CARD14: variants seen among roughly 807,000 people sequenced by gnomAD.
CARD14 encodes the protein caspase recruitment domain family member 14.
A neutral mutation model predicts 111.5 loss-of-function variants in CARD14; 107 were observed. The ratio of observed to expected loss-of-function variants is 0.96; its 90% CI spans 0.82 to 1.13. The LOEUF (loss-of-function observed/expected upper bound fraction) is 1.13, where lower values mean the gene tolerates loss of function less well. CARD14 is among the 50% of genes most tolerant of loss of function. The probability of loss-of-function intolerance (pLI) is 0.00; values close to 1 mark genes in which losing one functional copy is unlikely to be tolerated. For missense variants in CARD14, 1,322 were observed against 1,362.3 expected (o/e 0.97, Z 0.47); for synonymous variants, 617 against 579.6 (o/e 1.06, Z -0.93).
chr17:80,207,443 C>T (rs62074417), intron 23 of CARD14, among the ~76,000 whole-genome samples: 7 of 152,052 alleles, frequency 4.6e-5, no homozygotes, highest in Admixed American at 2.0e-4. Flanking sequence ...CCCAGCTACT[C>T]GGGAGGCTGA....
Position 80,203,832 on chromosome 17 carries a change from C to T in CARD14, c.2230C>T (p.Gln744Ter). ...TGCTGGTCTCTGCAGGGCTCAGCAG[C>T]AGCTCATAGCCCTCATCCAGGACAT... ...TIPNYSRAQQQLIALIQDMTQ... is the reference protein window; with the variant it reads ...TIPNYSRAQQ Residue 744 changes from glutamine to a stop codon, truncating the protein, a stop_gained, in exon 19 of 24, where the codon CAG becomes TAG. Coordinates refer to ENST00000648509, the MANE Select transcript of CARD14 (RefSeq NM_001366385.1). LOFTEE classifies it high-confidence loss of function. This position sits in a 1 kb window ranked among gnomAD's most constrained non-coding sequence, Gnocchi z 4.6. 6.3e-7 allele frequency: 1 copy of T among 1,582,138 alleles called. No homozygotes were observed. Among genetic ancestry groups the T allele is most frequent in the Non-Finnish European group, 8.6e-7 (1 of 1,164,386 alleles).
intron 3 of CARD14, among the ~76,000 whole-genome samples, chr17:80,178,894 C>A (rs1305374877): frequency 6.6e-6 from 1 of 152,122 alleles, no homozygotes; most frequent in Non-Finnish European, 1.5e-5. Context: ...TACAGGCACC[C>A]GTCACCATGA....
chr17:80,194,454 T>A (rs1311810261), intron 12 of CARD14, among the ~76,000 whole-genome samples: 1 of 152,234 alleles, frequency 6.6e-6, no homozygotes, highest in African/African-American at 2.4e-5. Context: ...GTCACATTTG[T>A]CAGTGTGCAC....
intron 16 of CARD14, among the ~76,000 whole-genome samples, chr17:80,199,305 C>T (rs112168618): frequency 3.3e-5 from 5 of 151,072 alleles, no homozygotes; most frequent in African/African-American, 4.9e-5. Context: ...CTGGCCAACA[C>T]GGCGAAACCC....
At position 80,181,387 on chromosome 17, in the gene CARD14, G is replaced by A. The variant is rs543517058; in HGVS notation, c.-20-32G>A. The A allele has an allele frequency of 2.0e-6, 3 of 1,517,098 alleles. No individual in the cohort carries two copies. In the African/African-American group the frequency reaches 4.1e-5, roughly 21 times the overall value. The allele number at this position is 1,517,098 out of a possible 1,614,324, so 94.0% of individuals were successfully genotyped here. ...GGCTATCCTGGGGTCCTGCTTACCT[G>A]ACAACTCCACCCCCATGGCCACCCC... On this transcript the variant is annotated intron_variant, in intron 4 of 23. Transcript: ENST00000648509.
Position 80,192,496 on chromosome 17 carries a change from T to C in CARD14, c.1240-7T>C. 1 of 1,612,052 alleles carries C rather than the reference T, an allele frequency of 6.2e-7. No individual in the cohort carries two copies. Among genetic ancestry groups the C allele is most frequent in the Non-Finnish European group, 8.5e-7 (1 of 1,178,636 alleles). ...ATTAACCAGCCTGTCTGGCCTGTCT[T>C]TGGCAGCTCAAGCAGGAAGCCAGGA... On this transcript the variant is annotated splice_region_variant and splice_polypyrimidine_tract_variant and intron_variant, in intron 11 of 23. Transcript: ENST00000648509.
rs147466598 is a variant in CARD14 at position 80,191,432 on chromosome 17, G to A, written c.1199G>A (p.Arg400His). Residue 400 changes from arginine to histidine, a missense_variant, in exon 11 of 24, where the codon CGC becomes CAC. Transcript: ENST00000648509. Reference sequence around the variant, plus strand: ...CTGACGGACCAGGTCTGCGAGCTGCGCACACAGCTTCGCCAGCTGCAGGCA... The same window carrying A: ...CTGACGGACCAGGTCTGCGAGCTGCACACACAGCTTCGCCAGCTGCAGGCA... ...FELTDQVCELRTQLRQLQAEP... is the reference protein window; with the variant it reads ...FELTDQVCELHTQLRQLQAEP... 3.0e-4 allele frequency: 486 copies of A among 1,613,436 alleles called. No homozygotes were observed. The highest frequency in any genetic ancestry group is 4.0e-4 in the Non-Finnish European group (476 of 1,179,882).
chr17:80,205,961 C>T (rs934991419), intron 22 of CARD14: 10 of 231,176 alleles, frequency 4.3e-5, no homozygotes, highest in African/African-American at 1.8e-4. Flanking sequence ...AAGGCGCAAA[C>T]GCGTGAAAAG....
At chr17:80,183,009 G>A (rs1237590173) in intron 6 of CARD14, among the ~76,000 whole-genome samples, 1 of 152,188 alleles carries the variant, frequency 6.6e-6, no homozygotes, top group African/African-American at 2.4e-5. Context: ...TGAAGGGTCG[G>A]TCCTTAGTTA....
chr17:80,176,909 T>G (rs1398721992), intron 2 of CARD14, among the ~76,000 whole-genome samples: 1 of 152,178 alleles, frequency 6.6e-6, no homozygotes, highest in Non-Finnish European at 1.5e-5. Flanking sequence ...AGCGCATCCC[T>G]GGAGATGGAC....
At position 80,208,143 on chromosome 17, in the gene CARD14, G is replaced by A; in HGVS notation, c.2813G>A (p.Gly938Asp). 1.3e-6 allele frequency: 2 copies of A among 1,541,848 alleles called. No homozygotes were observed. The highest frequency in any genetic ancestry group is 8.8e-7 in the Non-Finnish European group (1 of 1,141,968). ...NEKMAKKLKK[G>D]LQRLGTSEEQ... is the part of the protein sequence containing the mutation. The stretch of plus-strand genomic sequence containing the variant: ...CCCAACTCTGGCCTGTGCAGGAAGG[G>A]CCTACAGCGGTTGGGCACCTCAGAG... Residue 938 changes from glycine (G) to aspartate (D), a missense_variant, in exon 24 of 24, where the codon GGC becomes GAC. Transcript: ENST00000648509.
chr17:80,191,189 T>G, intron 10 of CARD14, 134 bp from the exon 11 acceptor site: 1 of 1,137,376 alleles, frequency 8.8e-7, no homozygotes, highest in Non-Finnish European at 1.3e-6. Context: ...AAATGAATCT[T>G]AAGTTTGCAC....
rs1445620840 is a variant in CARD14 at position 80,204,239 on chromosome 17, G to A, written c.2296G>A (p.Gly766Arg). 1 of 1,590,180 alleles carries A rather than the reference G, an allele frequency of 6.3e-7. No homozygotes were observed. Among genetic ancestry groups the A allele is most frequent in the South Asian group, 1.1e-5 (1 of 89,642 alleles). Residue 766 changes from glycine (G) to arginine (R), a missense_variant, in exon 20 of 24, where the codon GGA becomes AGA. By Grantham distance (125) the Gly-to-Arg change is moderately radical (BLOSUM62 -2). Coordinates refer to ENST00000648509, the MANE Select transcript of CARD14 (RefSeq NM_001366385.1). Reference protein sequence around the residue: ...CTVTRKPSSGGPQKLVRIVSM... With the variant: ...CTVTRKPSSGRPQKLVRIVSM... ...GTCCCTCCTTTAGCCATCTTCTGGG[G>A]GACCACAGAAGCTGGTCCGCATCGT...
chr17:80,206,870 C>T, intron 22 of CARD14, 100 bp from the exon 23 acceptor site: 3 of 705,900 alleles, frequency 4.2e-6, no homozygotes, highest in Non-Finnish European at 2.3e-6. Context: ...CTGCCCTGCC[C>T]TCAGCCTGTC....
At chr17:80,205,393 A>G in intron 21 of CARD14, 138 bp from the exon 22 acceptor site, 2 of 1,255,988 alleles carry the variant, frequency 1.6e-6, no homozygotes, top group South Asian at 2.9e-5. Flanking sequence ...GTGCAGGGTC[A>G]GGTTTGTAAA....
intron 9 of CARD14, among the ~76,000 whole-genome samples, chr17:80,190,119 C>T (rs1314104832): frequency 2.0e-5 from 3 of 151,992 alleles, no homozygotes; most frequent in South Asian, 2.1e-4. Flanking sequence ...GCCCAGGCCC[C>T]GGGGAGAGCC....
At position 80,198,666 on chromosome 17, in the gene CARD14, A is replaced by C. The variant is rs767004597; in HGVS notation, c.1851+75A>C. On this transcript the variant is annotated intron_variant, in intron 16 of 23. Coordinates refer to ENST00000648509, the MANE Select transcript of CARD14 (RefSeq NM_001366385.1). This position sits in a 1 kb window ranked among gnomAD's most constrained non-coding sequence, Gnocchi z 7.5. ...TGGCAGCGGGTGGGGTGACCCAGGC[A>C]GACTTCACCTCCCCCAGACGATGCA... is the stretch of plus-strand genomic sequence containing the variant. 2.5e-6 allele frequency: 4 copies of C among 1,607,814 alleles called. No individual in the cohort carries two copies. The highest frequency in any genetic ancestry group is 3.3e-5 in the Admixed American group (2 of 59,962).
In CARD14 at chr17:80,201,859, T is replaced by C; in HGVS notation, c.1967T>C (p.Val656Ala). Residue 656 changes from valine to alanine, a missense_variant, in exon 17 of 24, where the codon GTC becomes GCC. Val to Ala is a moderately conservative substitution (Grantham distance 64). Coordinates refer to ENST00000648509, the MANE Select transcript of CARD14 (RefSeq NM_001366385.1). This position sits in a 1 kb window ranked among gnomAD's most constrained non-coding sequence, Gnocchi z 5.0. ...VDGFCCLSVK[V>A]NTDGYKRLLQ... ...GGCTTCTGCTGCCTGTCTGTGAAGG[T>C]CAACACGGACGGTACACATACCACT... 1 of 1,613,318 alleles carries C rather than the reference T, an allele frequency of 6.2e-7. No homozygotes were observed. Among genetic ancestry groups the C allele is most frequent in the Non-Finnish European group, 8.5e-7 (1 of 1,179,638 alleles).
At chr17:80,202,688 T>A (rs2041049749) in intron 18 of CARD14, 1 of 1,164,472 alleles carries the variant, frequency 8.6e-7, no homozygotes, top group Non-Finnish European at 1.1e-6. Flanking sequence ...CCATGGACGT[T>A]TGGGGCTGGA....
Sources: gnomAD v4.1 joint callset for allele counts (sites outside exome capture counted in the v4.1 genomes callset) on GRCh38, gnomAD v4.1.1 for gene constraint, Gnocchi (gnomAD v3.1) non-coding constraint, MANE v1.5 for transcripts, NCBI Gene and HGNC (gene_info 2026-07-23, HGNC 2026-07-21) for gene names.